Variants in HEPHL1 observed in about 807,000 individuals in gnomAD.
The protein encoded by HEPHL1 is ferroxidase HEPHL1.
In HEPHL1, 123 loss-of-function variants were observed where a neutral mutation model predicts 122.0. That is an observed-to-expected ratio of 1.01 (90% CI 0.87 to 1.17). The LOEUF is 1.17. Ranked by LOEUF, HEPHL1 falls within the 50% of genes most tolerant of loss-of-function variation. The pLI is 0.00. For synonymous variants in HEPHL1, 527 were observed against 508.9 expected (o/e 1.04, Z -0.48); for missense variants, 1,452 against 1,430.5 (o/e 1.01, Z -0.24).
chr11:94,102,434 A>C (rs778378878), intron 14 of HEPHL1, among the ~76,000 whole-genome samples: 8 of 152,164 alleles, frequency 5.3e-5, no homozygotes, highest in Non-Finnish European at 8.8e-5. Flanking sequence ...CCACTTGAGA[A>C]GCTTTTAAAA....
chr11:94,045,137 G>A (rs1415210345), intron 1 of HEPHL1, among the ~76,000 whole-genome samples: 1 of 152,154 alleles, frequency 6.6e-6, no homozygotes, highest in Non-Finnish European at 1.5e-5. Flanking sequence ...CAAACTCCTA[G>A]GCTCAAGAGA....
At chr11:94,106,802 C>G (rs1946413507) in intron 17 of HEPHL1, among the ~76,000 whole-genome samples, 1 of 152,126 alleles carries the variant, frequency 6.6e-6, no homozygotes. Context: ...TTCTCCCCAC[C>G]CTTTTCTTTT....
intron 17 of HEPHL1, among the ~76,000 whole-genome samples, chr11:94,110,622 G>A (rs1226061737): frequency 2.0e-5 from 3 of 152,150 alleles, no homozygotes; most frequent in African/African-American, 7.2e-5. Flanking sequence ...TACAATGTAG[G>A]TAGGAACCAC....
chr11:94,111,230 G>A (rs147809376), intron 18 of HEPHL1, among the ~76,000 whole-genome samples, 165 bp downstream of exon 18: 12 of 152,276 alleles, frequency 7.9e-5, no homozygotes, highest in Non-Finnish European at 8.8e-5. Flanking sequence ...GCTATGTGCC[G>A]TAGCAGAATG....
chr11:94,045,625 G>A (rs1422875873), intron 1 of HEPHL1, 48 bp from the exon 2 acceptor site: 1 of 1,489,974 alleles, frequency 6.7e-7, no homozygotes, highest in African/African-American at 1.4e-5. Flanking sequence ...AAGCTATTAG[G>A]TCTTCTCTTT....
intron 2 of HEPHL1, among the ~76,000 whole-genome samples, chr11:94,049,216 A>G (rs1184167768): frequency 6.6e-6 from 1 of 152,142 alleles, no homozygotes; most frequent in East Asian, 1.9e-4. Flanking sequence ...TATTAAAAAA[A>G]TGCTCAACAT....
intron 12 of HEPHL1, 142 bp downstream of exon 12, chr11:94,089,110 T>G (rs1259697005): frequency 1.3e-6 from 1 of 777,826 alleles, no homozygotes; most frequent in Non-Finnish European, 2.1e-6. Context: ...GTGCACAGAT[T>G]AGGGAAGCTG....
chr11:94,063,487 T>A, intron 2 of HEPHL1, 21 bp from the exon 3 acceptor site: 2 of 1,540,768 alleles, frequency 1.3e-6, no homozygotes, highest in Non-Finnish European at 1.8e-6. Context: ...TACCTTTTTT[T>A]TTAATTTTAT....
At chr11:94,042,840 C>T (rs1244664891) in intron 1 of HEPHL1, among the ~76,000 whole-genome samples, 1 of 126,290 alleles carries the variant, frequency 7.9e-6, no homozygotes, top group Non-Finnish European at 1.6e-5. Flanking sequence ...CTAACCTGCA[C>T]ATTGTGCACA....
intron 13 of HEPHL1, among the ~76,000 whole-genome samples, chr11:94,098,270 G>T (rs1946336171): frequency 6.6e-6 from 1 of 152,124 alleles, no homozygotes; most frequent in Non-Finnish European, 1.5e-5. Flanking sequence ...CTCCACTTAT[G>T]AAGCTTAGTT....
In HEPHL1 at chr11:94,082,569, G is replaced by A. The variant is rs757824964; in HGVS notation, c.1867+1G>A. The A allele has an allele frequency of 2.5e-6, 4 of 1,603,954 alleles. No homozygotes were observed. The highest frequency in any genetic ancestry group is 3.4e-5 in the Admixed American group (2 of 58,760). On this transcript the variant is annotated splice_donor_variant, in intron 10 of 19. Coordinates refer to ENST00000315765, the MANE Select transcript of HEPHL1 (RefSeq NM_001098672.2). LOFTEE classifies it high-confidence loss of function. The stretch of plus-strand genomic sequence containing the variant: ...TTTGTGAAATCCAACCGAATGCATG[G>A]TATGACAAATGACATTCCCGCCTGT...
chr11:94,072,121 C>T (rs1946078831), intron 6 of HEPHL1, among the ~76,000 whole-genome samples: 1 of 152,126 alleles, frequency 6.6e-6, no homozygotes. Flanking sequence ...TAAGCACAGT[C>T]TTGGCCATTG....
At chr11:94,103,178 G>A (rs929056950) in intron 15 of HEPHL1, among the ~76,000 whole-genome samples, 158 bp downstream of exon 15, 8 of 147,666 alleles carry the variant, frequency 5.4e-5, no homozygotes, top group Middle Eastern at 3.6e-3. Flanking sequence ...CATGCTGGAC[G>A]TTTACATTGT....
rs1282687132 is a variant in HEPHL1 at position 94,027,849 on chromosome 11, A to C, written c.170+6311A>C. On this transcript the variant is annotated intron_variant, in intron 1 of 19. Coordinates refer to ENST00000315765, the MANE Select transcript of HEPHL1 (RefSeq NM_001098672.2). Reference sequence around the variant, plus strand: ...ACCCAGAGTGAAAGAATGTATATAGAAGCACATCCAGATGGTATTAAAAAT... The same window carrying C: ...ACCCAGAGTGAAAGAATGTATATAGCAGCACATCCAGATGGTATTAAAAAT... 7.9e-5 allele frequency among the ~76,000 whole-genome samples: 12 copies of C among 152,304 alleles called. 1 individual carries two copies. The South Asian group carries it at 2.5e-3, about 32-fold the overall frequency.
chr11:94,063,062 T>C (rs2460063), intron 2 of HEPHL1, among the ~76,000 whole-genome samples: 53,455 of 150,844 alleles, frequency 0.35, 10,004 homozygotes, highest in Admixed American at 0.45. Context: ...TACACTTCCT[T>C]CCTATCTCTC....
In HEPHL1 at chr11:94,070,316, A is replaced by G. The variant is rs7119827; in HGVS notation, c.1064-58A>G. ...GAGCCAAATCTATCAGTCTTTTCCT[A>G]TATGATTCCTTTTGTGATCATTTAT... On this transcript the variant is annotated intron_variant, in intron 5 of 19. Coordinates refer to ENST00000315765, the MANE Select transcript of HEPHL1 (RefSeq NM_001098672.2). 2,611 of 1,501,006 alleles carry G rather than the reference A, an allele frequency of 1.7e-3. 35 individuals are homozygous for G. In the African/African-American group the frequency reaches 0.033, roughly 19 times the overall value. The allele number at this position is 1,501,006 out of a possible 1,614,324, so 93.0% of individuals were successfully genotyped here.
At chr11:94,039,468 GAAGTA>G (rs1260586500) in intron 1 of HEPHL1, among the ~76,000 whole-genome samples, 2 of 149,578 alleles carry the variant, frequency 1.3e-5, no homozygotes, top group Non-Finnish European at 3.0e-5. Flanking sequence ...CACATAGTTG[GAAGTA>G]AAGCTCTCCT....
rs184754251 is a variant in HEPHL1 at position 94,094,152 on chromosome 11, C to T, written c.2434+512C>T. ...TCCTAATGCTATCCCTCACCCCTGC[C>T]CCTACCCCACGACAGGCCCTGGTGT... On this transcript the variant is annotated intron_variant, in intron 13 of 19. Coordinates refer to ENST00000315765, the MANE Select transcript of HEPHL1 (RefSeq NM_001098672.2). Among the ~76,000 whole-genome samples, 423 of 151,446 alleles carry T rather than the reference C, an allele frequency of 2.8e-3. 4 individuals are homozygous for T. The highest frequency in any genetic ancestry group is 0.013 in the South Asian group (64 of 4,746).
chr11:94,092,854 A>C (rs1202258710), intron 12 of HEPHL1, among the ~76,000 whole-genome samples: 2 of 152,192 alleles, frequency 1.3e-5, no homozygotes, highest in African/African-American at 4.8e-5. Context: ...GCAGGAACCT[A>C]ACCCTATATT....
Sources: allele counts gnomAD v4.1 joint callset (sites outside exome capture counted in the v4.1 genomes callset), GRCh38; gene constraint gnomAD v4.1.1; transcripts MANE v1.5; gene names NCBI Gene and HGNC (gene_info 2026-07-23, HGNC 2026-07-21).